The following KIAA0040 variants were observed in gnomAD, a reference collection of about 807,000 sequenced individuals.
KIAA0040 encodes KIAA0040, also known as uncharacterized protein KIAA0040.
KIAA0040 carries 10 observed loss-of-function variants against 7.2 expected under a neutral mutation model. The ratio of observed to expected loss-of-function variants is 1.38; its 90% CI spans 0.85 to 2.34. KIAA0040 has a LOEUF of 2.34. Among genes scored for constraint, KIAA0040 ranks in the 30% most tolerant of loss-of-function variants. The probability of loss-of-function intolerance (pLI) is 0.00; values close to 1 mark genes in which losing one functional copy is unlikely to be tolerated. For missense variants in KIAA0040, 89 were observed against 108.2 expected (o/e 0.82, Z 0.79); for synonymous variants, 49 against 40.1 (o/e 1.22, Z -0.84).
In KIAA0040 at chr1:175,161,133, G is replaced by A. The variant is rs377584486; in HGVS notation, c.-120C>T. ...CTCTTCCAGCTTTGGGTTTGGGCAT[G>A]CCACTGGCAGCACCTGAAGAGATTA... On this transcript the variant is annotated 5_prime_UTR_variant, in exon 4 of 4. Transcript: ENST00000423313. 1.4e-4 allele frequency: 118 copies of A among 864,902 alleles called. 1 individual carries two copies. In the African/African-American group the frequency reaches 1.9e-3, roughly 14 times the overall value. 53.6% of individuals were successfully genotyped at this position (864,902 alleles called of 1,614,324 possible).
intron 2 of KIAA0040, chr1:175,176,369 C>T (rs2101896064): frequency 6.6e-6 from 1 of 152,286 alleles, no homozygotes; most frequent in East Asian, 1.9e-4. Context: ...AGGGAGTGAG[C>T]ATAAATATTC....
chr1:175,171,008 G>C (rs1259196335), intron 2 of KIAA0040, among the ~76,000 whole-genome samples: 1 of 152,158 alleles, frequency 6.6e-6, no homozygotes, highest in African/African-American at 2.4e-5. Flanking sequence ...GCCTAGCCGC[G>C]CCTACTACTG....
rs1676476378 is a variant in KIAA0040, at chr1:175,160,280, T to C, written c.*434A>G. On this transcript the variant is annotated 3_prime_UTR_variant, in exon 4 of 4. Coordinates refer to ENST00000423313, the MANE Select transcript of KIAA0040 (RefSeq NM_014656.3). Reference sequence around the variant, plus strand: ...TTTTTGTGACTGTAGATAATGTACTTCCCTGCACAAAGTACATAGCCAATG... The same window carrying C: ...TTTTTGTGACTGTAGATAATGTACTCCCCTGCACAAAGTACATAGCCAATG... The C allele has an allele frequency of 5.9e-6, 1 of 170,418 alleles. No individual in the cohort carries two copies. Among genetic ancestry groups the C allele is most frequent in the African/African-American group, 2.4e-5 (1 of 41,732 alleles). 10.6% of individuals were successfully genotyped at this position (170,418 alleles called of 1,614,324 possible).
chr1:175,169,798 G>A (rs1217604222), intron 2 of KIAA0040, among the ~76,000 whole-genome samples: 2 of 152,052 alleles, frequency 1.3e-5, no homozygotes, highest in Non-Finnish European at 2.9e-5. Context: ...CTCTCTGCAG[G>A]GCTCTCCCAA....
At chr1:175,189,197 ATAACATTCCAACTTCATGGGGTTGG>A (rs1391569509) in intron 1 of KIAA0040, among the ~76,000 whole-genome samples, 1 of 152,196 alleles carries the variant, frequency 6.6e-6, no homozygotes, top group Non-Finnish European at 1.5e-5. Context: ...TGACGTTGGC[ATAACATTCCAACTTCATGGGGTTGG>A]AATAAGTCAG....
chr1:175,173,419 T>A (rs1333177060), intron 2 of KIAA0040, among the ~76,000 whole-genome samples: 1 of 152,202 alleles, frequency 6.6e-6, no homozygotes, highest in Non-Finnish European at 1.5e-5. Flanking sequence ...ACAGACATGG[T>A]CTCATTCAAC....
chr1:175,176,160 C>T (rs918632544), intron 2 of KIAA0040, among the ~76,000 whole-genome samples: 1 of 152,088 alleles, frequency 6.6e-6, no homozygotes, highest in South Asian at 2.1e-4. Flanking sequence ...GTGGGGGAGA[C>T]ATTTACAGGC....
At chr1:175,173,790 C>A (rs931689437) in intron 2 of KIAA0040, among the ~76,000 whole-genome samples, 1 of 152,218 alleles carries the variant, frequency 6.6e-6, no homozygotes, top group Non-Finnish European at 1.5e-5. Context: ...TGCAATACAG[C>A]ATCACTGATA....
rs1426427052 is a variant in KIAA0040, at chr1:175,166,704, G to T, written c.-276C>A. ...CGTAGTAAACAATCGCTGAACACCC[G>T]CCCTGTGCATTCAGATCCTGATCAC... is the stretch of plus-strand genomic sequence containing the variant. On this transcript the variant is annotated 5_prime_UTR_variant, in exon 3 of 4. Coordinates refer to ENST00000423313, the MANE Select transcript of KIAA0040 (RefSeq NM_014656.3). The T allele has an allele frequency of 6.6e-6, 1 of 152,160 alleles. No individual in the cohort carries two copies. The highest frequency in any genetic ancestry group is 1.5e-5 in the Non-Finnish European group (1 of 68,056). The allele number at this position is 152,160 out of a possible 1,614,324, so 9.4% of individuals were successfully genotyped here.
chr1:175,163,585 G>T (rs1025190077), intron 3 of KIAA0040, among the ~76,000 whole-genome samples: 1 of 152,180 alleles, frequency 6.6e-6, no homozygotes, highest in South Asian at 2.1e-4. Flanking sequence ...TGTATCTCAG[G>T]CCACTCATCT....
upstream of KIAA0040, chr1:175,192,826 G>GCCCCGCCCCGCCCCGCTCCA (rs1677926410): frequency 4.3e-5 from 1 of 23,500 alleles, no homozygotes; most frequent in East Asian, 1.4e-3. Context: ...CGCCCGCCCC[G>GCCCCGCCCCGCCCCGCTCCA]CCCCGCCCCG....
At chr1:175,192,884 C>G (rs1677933886), upstream of KIAA0040, 1 of 151,188 alleles carries the variant, frequency 6.6e-6, no homozygotes, top group South Asian at 2.0e-4. Context: ...GAGGGCAGCG[C>G]CCTCTGTGTT....
At chr1:175,182,815 G>A (rs1205138470) in intron 1 of KIAA0040, among the ~76,000 whole-genome samples, 1 of 152,252 alleles carries the variant, frequency 6.6e-6, no homozygotes, top group East Asian at 1.9e-4. Flanking sequence ...TCTGTGTGAT[G>A]TGGGTGAAAC....
chr1:175,164,478 G>A (rs531332831), intron 3 of KIAA0040, among the ~76,000 whole-genome samples: 1 of 152,266 alleles, frequency 6.6e-6, no homozygotes, highest in Admixed American at 6.5e-5. Context: ...TGAATTATAT[G>A]TTTATCTCAA....
At chr1:175,174,573 G>T (rs1301648779) in intron 2 of KIAA0040, among the ~76,000 whole-genome samples, 1 of 152,174 alleles carries the variant, frequency 6.6e-6, no homozygotes, top group African/African-American at 2.4e-5. Flanking sequence ...ACACTGAGCA[G>T]GGAAAATTGC....
At chr1:175,164,576 C>T (rs1676681372) in intron 3 of KIAA0040, among the ~76,000 whole-genome samples, 1 of 144,532 alleles carries the variant, frequency 6.9e-6, no homozygotes, top group South Asian at 2.4e-4. Flanking sequence ...AAATAGATTT[C>T]TTTTCAAGCT....
rs1168658899 is a variant in KIAA0040 at position 175,157,038 on chromosome 1, A to C, written c.*3676T>G. On this transcript the variant is annotated 3_prime_UTR_variant, in exon 4 of 4. Coordinates refer to ENST00000423313, the MANE Select transcript of KIAA0040 (RefSeq NM_014656.3). The stretch of plus-strand genomic sequence containing the variant: ...CATTGCAATGAATTTAAATAGTCAC[A>C]TGTGGCTATTGGTACCATATTGAAC... The C allele has an allele frequency of 6.6e-6, 1 of 152,112 alleles. No homozygotes were observed. The allele number at this position is 152,112 out of a possible 1,614,324, so 9.4% of individuals were successfully genotyped here.
intron 2 of KIAA0040, among the ~76,000 whole-genome samples, chr1:175,172,770 G>T (rs938595024): frequency 2.1e-4 from 32 of 152,348 alleles, no homozygotes; most frequent in African/African-American, 7.0e-4. Flanking sequence ...GTAGAAAGTG[G>T]ACTGGCAGTA....
At chr1:175,164,947 A>G (rs1676697950) in intron 3 of KIAA0040, among the ~76,000 whole-genome samples, 1 of 152,340 alleles carries the variant, frequency 6.6e-6, no homozygotes, top group Non-Finnish European at 1.5e-5. Flanking sequence ...TTAGCTTTTG[A>G]ATAGCACTGA....
Sources: gnomAD v4.1 joint callset for allele counts (sites outside exome capture counted in the v4.1 genomes callset) on GRCh38, gnomAD v4.1.1 for gene constraint, MANE v1.5 for transcripts, NCBI Gene and HGNC (gene_info 2026-07-23, HGNC 2026-07-21) for gene names.